The following KAZN variants were observed in gnomAD, a reference collection of about 807,000 sequenced individuals.
KAZN encodes kazrin.
A neutral mutation model predicts 87.4 loss-of-function variants in KAZN; 40 were observed. That is an observed-to-expected ratio of 0.46 (90% confidence interval 0.36 to 0.60). The LOEUF (loss-of-function observed/expected upper bound fraction) is 0.60, where lower values mean the gene tolerates loss of function less well. Among genes scored for constraint, KAZN ranks in the 20% least tolerant of loss-of-function variants. KAZN has a pLI of 0.00. For synonymous variants in KAZN, 466 were observed against 458.3 expected, an observed-to-expected ratio of 1.02 and a Z score of -0.22; for missense variants, 898 against 1,073.9, an observed-to-expected ratio of 0.84 and a Z score of 2.29.
rs373554762 is a variant in KAZN at position 13,991,881 on chromosome 1, C to T, written c.91+98125C>T. 1.2e-4 allele frequency among the ~76,000 whole-genome samples: 18 copies of T among 152,248 alleles called. No homozygotes were observed. The South Asian group carries it at 1.7e-3, about 14-fold the overall frequency. Reference sequence around the variant, plus strand: ...AGCCACCTTGAACTATAGATACAGACGCAGTGTACCTCATTCCCAACCCTC... The same window carrying T: ...AGCCACCTTGAACTATAGATACAGATGCAGTGTACCTCATTCCCAACCCTC... On this transcript the variant is annotated intron_variant, in intron 1 of 16. Transcript: ENST00000636203.
intron 2 of KAZN, among the ~76,000 whole-genome samples, chr1:14,987,629 G>A (rs1390424159): frequency 6.6e-6 from 1 of 152,188 alleles, no homozygotes; most frequent in East Asian, 1.9e-4. Context: ...CGCGTATGTT[G>A]GGGACCCAGA....
At chr1:14,300,419 A>T (rs1352458580) in intron 2 of KAZN, among the ~76,000 whole-genome samples, 1 of 151,976 alleles carries the variant, frequency 6.6e-6, no homozygotes. Context: ...TTCTGTAGAG[A>T]TGAGGTCTCC....
chr1:14,027,485 GC>G (rs959540980), intron 1 of KAZN, among the ~76,000 whole-genome samples: 1 of 151,740 alleles, frequency 6.6e-6, no homozygotes, highest in Non-Finnish European at 1.5e-5. Context: ...GCCGGCTTCT[GC>G]CCCCCCGCCA....
chr1:14,011,786 A>AATGAAATAATACATGTATTAATAC (rs1173275861), intron 1 of KAZN, among the ~76,000 whole-genome samples: 2 of 152,214 alleles, frequency 1.3e-5, no homozygotes, highest in African/African-American at 2.4e-5. Flanking sequence ...GCAAGGATTA[A>AATGAAATAATACATGTATTAATAC]ATGAAATAAT....
At chr1:15,087,494 G>T (rs971999512) in intron 8 of KAZN, among the ~76,000 whole-genome samples, 1 of 151,780 alleles carries the variant, frequency 6.6e-6, no homozygotes, top group Non-Finnish European at 1.5e-5. Context: ...CTGGGTTCAA[G>T]CAATTCTCCT....
intron 2 of KAZN, among the ~76,000 whole-genome samples, chr1:14,396,900 GT>G (rs33945798): frequency 0.52 from 77,195 of 149,826 alleles, 20,101 homozygotes; most frequent in African/African-American, 0.61. Flanking sequence ...TGCTCTATGA[GT>G]TTTTTTTTTT....
At chr1:14,380,024 CAG>C (rs1027989955) in intron 2 of KAZN, among the ~76,000 whole-genome samples, 1 of 152,198 alleles carries the variant, frequency 6.6e-6, no homozygotes, top group Non-Finnish European at 1.5e-5. Flanking sequence ...CAGCTCAGAA[CAG>C]AGAGACTCCA....
At chr1:14,496,197 G>A (rs767140802) in intron 2 of KAZN, among the ~76,000 whole-genome samples, 12 of 152,090 alleles carry the variant, frequency 7.9e-5, no homozygotes, top group African/African-American at 2.7e-4. Flanking sequence ...ACACACAATC[G>A]AACTCTGCTG....
At chr1:14,608,132 C>T (rs193182923) in intron 1 of KAZN, among the ~76,000 whole-genome samples, 9 of 152,334 alleles carry the variant, frequency 5.9e-5, no homozygotes, top group Admixed American at 1.3e-4. Context: ...TTCGTTAAGA[C>T]GAGAATATCC....
At chr1:14,254,842 G>C in intron 2 of KAZN, among the ~76,000 whole-genome samples, 1 of 152,176 alleles carries the variant, frequency 6.6e-6, no homozygotes, top group East Asian at 1.9e-4. Flanking sequence ...GAGAAGCCAG[G>C]CTGGACACGG....
chr1:14,932,968 C>T (rs1228813861), intron 1 of KAZN, among the ~76,000 whole-genome samples: 1 of 152,174 alleles, frequency 6.6e-6, no homozygotes, highest in African/African-American at 2.4e-5. Context: ...CCATTAAACA[C>T]TAACTCTCCA....
chr1:14,892,692 G>T (rs1654843277), intron 1 of KAZN, among the ~76,000 whole-genome samples: 1 of 152,200 alleles, frequency 6.6e-6, no homozygotes, highest in African/African-American at 2.4e-5. Flanking sequence ...ATGGCTCAGG[G>T]TTCATAGGGG....
At chr1:14,595,287 G>A (rs535533137), upstream of KAZN, among the ~76,000 whole-genome samples, 4 of 152,284 alleles carry the variant, frequency 2.6e-5, no homozygotes, top group South Asian at 8.3e-4. Flanking sequence ...AGCCATTGTG[G>A]AAAACATATT....
intron 1 of KAZN, among the ~76,000 whole-genome samples, chr1:13,994,987 C>T (rs188794915): frequency 6.6e-6 from 1 of 152,130 alleles, no homozygotes; most frequent in Admixed American, 6.5e-5. Context: ...GACTCATGGG[C>T]ATAATGAAAA....
intron 2 of KAZN, among the ~76,000 whole-genome samples, chr1:14,530,738 T>TGA (rs1420650989): frequency 6.6e-6 from 1 of 152,198 alleles, no homozygotes; most frequent in Non-Finnish European, 1.5e-5. Context: ...TCACCATGCT[T>TGA]CCTGTACAGT....
chr1:15,089,695 G>A (rs928192178), intron 8 of KAZN, among the ~76,000 whole-genome samples: 6 of 143,182 alleles, frequency 4.2e-5, no homozygotes, highest in Admixed American at 2.2e-4. Context: ...CCATAGGTGC[G>A]TCTGGAGAGG....
chr1:14,859,685 C>T (rs1452806481), intron 1 of KAZN, among the ~76,000 whole-genome samples: 1 of 152,308 alleles, frequency 6.6e-6, no homozygotes, highest in African/African-American at 2.4e-5. Flanking sequence ...CCTTATCTGT[C>T]AATGTCTTTT....
chr1:14,917,175 G>C (rs187970295), intron 1 of KAZN, among the ~76,000 whole-genome samples: 1 of 152,158 alleles, frequency 6.6e-6, no homozygotes, highest in Non-Finnish European at 1.5e-5. Context: ...CTCTAGCCTC[G>C]CCAGGACAGA....
At chr1:14,126,888 T>G (rs961666773) in intron 1 of KAZN, among the ~76,000 whole-genome samples, 30 of 152,096 alleles carry the variant, frequency 2.0e-4, no homozygotes, top group African/African-American at 7.0e-4. Flanking sequence ...GGCAGATCAT[T>G]TGAGATCAGG....
Sources: gnomAD v4.1 joint callset for allele counts (sites outside exome capture counted in the v4.1 genomes callset) on GRCh38, gnomAD v4.1.1 for gene constraint, MANE v1.5 for transcripts, NCBI Gene and HGNC (gene_info 2026-07-23, HGNC 2026-07-21) for gene names.